The following NACC2 variants were observed in gnomAD, a reference collection of about 807,000 sequenced individuals.
The protein encoded by NACC2 is nucleus accumbens-associated protein 2.
A neutral mutation model predicts 25.1 loss-of-function variants in NACC2; 8 were observed. The observed-to-expected ratio is 0.32, with a 90% CI of 0.19 to 0.57. The LOEUF is 0.57. Ranked by LOEUF, NACC2 falls within the 20% of genes least tolerant of loss-of-function variation. The probability of loss-of-function intolerance (pLI) is 0.89; values close to 1 mark genes in which losing one functional copy is unlikely to be tolerated. For missense variants in NACC2, 644 were observed against 650.2 expected, an observed-to-expected ratio of 0.99 and a Z score of 0.10; for synonymous variants, 435 against 294.7, an observed-to-expected ratio of 1.48 and a Z score of -4.88.
intron 2 of NACC2, among the ~76,000 whole-genome samples, chr9:136,040,699 C>A (rs1265312234): frequency 3.9e-5 from 6 of 152,354 alleles, no homozygotes; most frequent in Admixed American, 2.6e-4. Flanking sequence ...GTGGCTCACA[C>A]CTATAATCCC....
intron 1 of NACC2, among the ~76,000 whole-genome samples, chr9:136,061,279 C>T (rs1279743109): frequency 1.3e-5 from 2 of 152,182 alleles, no homozygotes; most frequent in Non-Finnish European, 2.9e-5. Flanking sequence ...ACCCAGGCTG[C>T]CCCAGCCTCC....
Position 136,011,905 on chromosome 9 carries a change from G to T in NACC2, c.1375C>A (p.Leu459Met). Residue 459 changes from leucine to methionine, a missense_variant, in exon 6 of 6, where the codon CTG (leucine) becomes ATG (methionine). Transcript: ENST00000277554. ...CGGTACATCTCCACGCCCTCCGGCA[G>T]CATGGACTTGATCTTGGGCAGCCAG... is the stretch of plus-strand genomic sequence containing the variant. ...KRWLPKIKSM[L>M]PEGVEMYRTV... 6.3e-7 allele frequency: 1 copy of T among 1,588,104 alleles called. No individual in the cohort carries two copies. The highest frequency in any genetic ancestry group is 8.5e-7 in the Non-Finnish European group (1 of 1,169,962).
intron 2 of NACC2, among the ~76,000 whole-genome samples, chr9:136,046,590 C>T (rs1270432155): frequency 1.3e-5 from 2 of 152,218 alleles, no homozygotes; most frequent in Admixed American, 6.5e-5. Context: ...GGGCCTGCCT[C>T]GCTGCGGGTG....
intron 1 of NACC2, among the ~76,000 whole-genome samples, chr9:136,093,010 T>A (rs887166249): frequency 1.3e-5 from 2 of 152,184 alleles, no homozygotes; most frequent in African/African-American, 4.8e-5. Flanking sequence ...TCTGCCCCAC[T>A]GACGGTGGCT....
chr9:136,018,727 A>G lies in NACC2; in HGVS notation c.887-2298T>C, dbSNP rs1195600872. ...ATTTCCCGGTGGGGCAGAGCATCGCAGGATAAGCCCAGAATTACCCGAGTG... is the reference window on the plus strand; with the variant it reads ...ATTTCCCGGTGGGGCAGAGCATCGCGGGATAAGCCCAGAATTACCCGAGTG... On this transcript the variant is annotated intron_variant, in intron 2 of 5. Transcript: ENST00000277554. This position sits in a 1 kb window ranked among gnomAD's most constrained non-coding sequence, Gnocchi z 4.4. Among the ~76,000 whole-genome samples the G allele has an allele frequency of 6.6e-6, 1 of 151,848 alleles. No individual in the cohort carries two copies. Among genetic ancestry groups the G allele is most frequent in the East Asian group, 1.9e-4 (1 of 5,132 alleles).
At chr9:136,038,640 A>G (rs1449792475) in intron 2 of NACC2, among the ~76,000 whole-genome samples, 2 of 152,264 alleles carry the variant, frequency 1.3e-5, no homozygotes, top group African/African-American at 4.8e-5. Context: ...AAATGGAAAA[A>G]GATTACTTTA....
In NACC2 at chr9:136,022,014, C is replaced by A. The variant is rs915393826; in HGVS notation, c.887-5585G>T. Among the ~76,000 whole-genome samples, 111 of 152,170 alleles carry A rather than the reference C, an allele frequency of 7.3e-4. No individual in the cohort carries two copies. The highest frequency in any genetic ancestry group is 2.6e-3 in the African/African-American group (109 of 41,436). ...TTGTGAATGAGGAAAGGTCGGGCTACACACCTGTCCCCACGGGGGCAGCCT... is the reference window on the plus strand; with the variant it reads ...TTGTGAATGAGGAAAGGTCGGGCTAAACACCTGTCCCCACGGGGGCAGCCT... On this transcript the variant is annotated intron_variant, in intron 2 of 5. Transcript: ENST00000277554. This position sits in a 1 kb window ranked among gnomAD's most constrained non-coding sequence, Gnocchi z 4.4.
At chr9:136,057,267 C>T (rs1323545746) in intron 1 of NACC2, among the ~76,000 whole-genome samples, 25 of 152,352 alleles carry the variant, frequency 1.6e-4, no homozygotes, top group Admixed American at 1.6e-3. Flanking sequence ...CATCTCTAAC[C>T]TTCACTTGCA....
intron 1 of NACC2, among the ~76,000 whole-genome samples, chr9:136,061,955 A>G (rs1224745759): frequency 6.6e-6 from 1 of 152,116 alleles, no homozygotes; most frequent in Non-Finnish European, 1.5e-5. Context: ...TCCCATCCCT[A>G]CTAAAAATAC....
At chr9:136,062,568 A>C (rs1395498039) in intron 1 of NACC2, among the ~76,000 whole-genome samples, 3 of 152,162 alleles carry the variant, frequency 2.0e-5, no homozygotes, top group Non-Finnish European at 4.4e-5. Flanking sequence ...TCGATGAGTT[A>C]AATACATAAT....
At chr9:136,090,986 C>A (rs577009572) in intron 1 of NACC2, among the ~76,000 whole-genome samples, 1 of 152,182 alleles carries the variant, frequency 6.6e-6, no homozygotes, top group South Asian at 2.1e-4. Flanking sequence ...CAGGAGCTCG[C>A]GGCCGCCCAT....
rs868679962 is a variant in NACC2 at position 136,011,082 on chromosome 9, G to A, written c.*434C>T. On this transcript the variant is annotated 3_prime_UTR_variant, in exon 6 of 6. Transcript: ENST00000277554. ...CGTCGCCCCAGAGAGGTTCCATGGG[G>A]AAGGAAGGAAGGGTCAGTGACGCAC... 12 of 155,184 alleles carry A rather than the reference G, an allele frequency of 7.7e-5. No individual in the cohort carries two copies. The highest frequency in any genetic ancestry group is 2.4e-4 in the African/African-American group (10 of 41,684). 9.6% of individuals were successfully genotyped at this position (155,184 alleles called of 1,614,324 possible). A position where few individuals can be genotyped will look rare whatever the true frequency, so the allele number is the denominator to read the frequency against.
chr9:136,056,472 TC>T (rs1420910438), intron 1 of NACC2, among the ~76,000 whole-genome samples: 4 of 152,154 alleles, frequency 2.6e-5, no homozygotes, highest in African/African-American at 9.7e-5. Context: ...CTAGCCATCA[TC>T]CTTCCTGGGT....
At chr9:136,074,868 G>A (rs556281175) in intron 1 of NACC2, among the ~76,000 whole-genome samples, 1 of 152,344 alleles carries the variant, frequency 6.6e-6, no homozygotes, top group Admixed American at 6.5e-5. Flanking sequence ...AGGAAGCGTG[G>A]CCTTCCCAGC....
At chr9:136,049,306 C>A (rs939601835) in intron 2 of NACC2, among the ~76,000 whole-genome samples, 4 of 152,176 alleles carry the variant, frequency 2.6e-5, no homozygotes, top group South Asian at 2.1e-4. Context: ...CGGGTCCTCC[C>A]GTACACCGCG....
chr9:136,059,129 C>G (rs975196329), intron 1 of NACC2, among the ~76,000 whole-genome samples: 3 of 152,230 alleles, frequency 2.0e-5, no homozygotes, highest in Non-Finnish European at 4.4e-5. Context: ...CAGAAACAAT[C>G]ACAGGGTCCC....
At chr9:136,089,162 C>CG (rs1830409863) in intron 1 of NACC2, among the ~76,000 whole-genome samples, 1 of 152,136 alleles carries the variant, frequency 6.6e-6, no homozygotes, top group African/African-American at 2.4e-5. Context: ...ACCAGCGGGG[C>CG]GGCAGCCACA....
At chr9:136,056,768 G>C (rs1224403257) in intron 1 of NACC2, among the ~76,000 whole-genome samples, 1 of 152,200 alleles carries the variant, frequency 6.6e-6, no homozygotes, top group East Asian at 1.9e-4. Context: ...GTTCAGCCAG[G>C]TCCCTAGGCG....
rs150102788 is a variant in NACC2, at chr9:136,084,544, C to T, written c.-60+10645G>A. Among the ~76,000 whole-genome samples the T allele has an allele frequency of 5.3e-5, 8 of 152,304 alleles. No individual in the cohort carries two copies. The South Asian group carries it at 8.3e-4, about 16-fold the overall frequency. ...AAATCTGTCAAACTGGCCCAGACCC[C>T]GGAGTCAGGGTCACGAAGGCCATGG... On this transcript the variant is annotated intron_variant, in intron 1 of 5. Transcript: ENST00000277554. The surrounding 1 kb of genome is among the most constrained non-coding windows in gnomAD (Gnocchi z 5.1).
Sources: gnomAD v4.1 joint callset for allele counts (sites outside exome capture counted in the v4.1 genomes callset) on GRCh38, gnomAD v4.1.1 for gene constraint, Gnocchi (gnomAD v3.1) non-coding constraint, MANE v1.5 for transcripts, NCBI Gene and HGNC (gene_info 2026-07-23, HGNC 2026-07-21) for gene names.